Variants in LRP1B observed in about 807,000 individuals in gnomAD.
LRP1B encodes the protein low-density lipoprotein receptor-related protein 1B.
LRP1B carries 217 observed loss-of-function variants against 556.6 expected under a neutral mutation model. The observed-to-expected ratio is 0.39, with a 90% CI of 0.35 to 0.44. The LOEUF is 0.44. LRP1B is among the 20% of genes least tolerant of loss of function. The pLI, the probability that LRP1B is intolerant of heterozygous loss-of-function variation, is 1.00. For synonymous variants in LRP1B, 2,047 were observed against 1,865.8 expected, an observed-to-expected ratio of 1.10 and a Z score of -2.50; for missense variants, 5,053 against 5,620.8, an observed-to-expected ratio of 0.90 and a Z score of 3.23.
chr2:140,889,781 G>A (rs527596531), intron 23 of LRP1B, among the ~76,000 whole-genome samples: 8 of 152,156 alleles, frequency 5.3e-5, no homozygotes, highest in African/African-American at 7.2e-5. Context: ...GGTAGCTAGT[G>A]TTAGCAATGA....
At chr2:140,365,879 C>G (rs1445107661) in intron 71 of LRP1B, among the ~76,000 whole-genome samples, 5 of 151,606 alleles carry the variant, frequency 3.3e-5, no homozygotes, top group Non-Finnish European at 7.4e-5. Flanking sequence ...CAGTGGTCAT[C>G]CTTAAAAGCC....
rs546810203 is a variant in LRP1B at position 140,345,415 on chromosome 2, C to G, written c.11892+5382G>C. On this transcript the variant is annotated intron_variant, in intron 77 of 90. Coordinates refer to ENST00000389484, the MANE Select transcript of LRP1B (RefSeq NM_018557.3). ...CTCTCCTCTCTCAGTTTTTGTACCT[C>G]TATATCTTCTTATTTATTTTCTCTT... 2.0e-5 allele frequency among the ~76,000 whole-genome samples: 3 copies of G among 151,484 alleles called. No homozygotes were observed. In the Admixed American group the frequency reaches 2.0e-4, roughly 10 times the overall value.
At chr2:141,803,098 T>C (rs1020144085) in intron 2 of LRP1B, among the ~76,000 whole-genome samples, 2 of 151,886 alleles carry the variant, frequency 1.3e-5, no homozygotes, top group African/African-American at 4.8e-5. Flanking sequence ...TGACCTGTGG[T>C]CTTGGATCAG....
intron 84 of LRP1B, among the ~76,000 whole-genome samples, chr2:140,291,318 A>ATATATATTTTT (rs369391920): frequency 0.032 from 3,512 of 109,230 alleles, 151 homozygotes; most frequent in African/African-American, 0.068. Flanking sequence ...ATATATATAT[A>ATATATATTTTT]TTTTTATTAT....
At chr2:140,476,100 C>T (rs1388996108) in intron 59 of LRP1B, among the ~76,000 whole-genome samples, 2 of 152,030 alleles carry the variant, frequency 1.3e-5, no homozygotes, top group Non-Finnish European at 2.9e-5. Flanking sequence ...ATAAATATTA[C>T]ACCCGATAAA....
chr2:141,074,741 TA>T (rs1699743580), intron 7 of LRP1B, among the ~76,000 whole-genome samples: 2 of 151,530 alleles, frequency 1.3e-5, no homozygotes, highest in South Asian at 4.1e-4. Context: ...GGTTAAAGGG[TA>T]AAAAATAAAG....
chr2:141,340,171 C>G (rs1301417045), intron 3 of LRP1B, among the ~76,000 whole-genome samples: 1 of 152,186 alleles, frequency 6.6e-6, no homozygotes, highest in Non-Finnish European at 1.5e-5. Flanking sequence ...GAAAAATCCC[C>G]TTCAACTTTT....
At chr2:140,771,519 T>C (rs1645740405) in intron 33 of LRP1B, among the ~76,000 whole-genome samples, 1 of 152,182 alleles carries the variant, frequency 6.6e-6, no homozygotes, top group Non-Finnish European at 1.5e-5. Flanking sequence ...TTCTCATTCA[T>C]AGAAATATAA....
At chr2:141,137,549 C>A (rs1701521151) in intron 7 of LRP1B, among the ~76,000 whole-genome samples, 1 of 151,862 alleles carries the variant, frequency 6.6e-6, no homozygotes, top group Non-Finnish European at 1.5e-5. Flanking sequence ...AAATGCCTAA[C>A]CTGAGCTAGT....
chr2:141,241,953 C>T (rs577629518), intron 5 of LRP1B, among the ~76,000 whole-genome samples: 1 of 150,494 alleles, frequency 6.6e-6, no homozygotes, highest in African/African-American at 2.5e-5. Flanking sequence ...AAAAAAAAAA[C>T]CCTAAATGGT....
In LRP1B at chr2:141,723,919, T is replaced by A. The variant is rs370064620; in HGVS notation, c.205+86360A>T. Among the ~76,000 whole-genome samples the A allele has an allele frequency of 3.9e-3, 588 of 151,966 alleles. 3 individuals are homozygous for A. The highest frequency in any genetic ancestry group is 0.014 in the African/African-American group (564 of 41,508). On this transcript the variant is annotated intron_variant, in intron 2 of 90. Coordinates refer to ENST00000389484, the MANE Select transcript of LRP1B (RefSeq NM_018557.3). ...TAAAATTCACCAAAAATGTCAACAC[T>A]AATCAGGCCAAGTGATGCAATAAGT...
At chr2:140,660,351 C>T (rs1159982464) in intron 41 of LRP1B, among the ~76,000 whole-genome samples, 1 of 152,070 alleles carries the variant, frequency 6.6e-6, no homozygotes, top group Non-Finnish European at 1.5e-5. Flanking sequence ...GAGACAAGTA[C>T]TGTACTATGA....
intron 1 of LRP1B, among the ~76,000 whole-genome samples, chr2:141,811,887 C>G (rs1436913134): frequency 6.6e-6 from 1 of 151,990 alleles, no homozygotes; most frequent in African/African-American, 2.4e-5. Flanking sequence ...AAAGAAGAAA[C>G]CACAGGAAGA....
intron 1 of LRP1B, among the ~76,000 whole-genome samples, chr2:142,022,654 G>A (rs1320621818): frequency 6.6e-6 from 1 of 151,882 alleles, no homozygotes; most frequent in Non-Finnish European, 1.5e-5. Context: ...AAATCTCACT[G>A]CTTTTATTTT....
chr2:142,099,549 C>T lies in LRP1B; in HGVS notation c.82+31099G>A, dbSNP rs561878784. On this transcript the variant is annotated intron_variant, in intron 1 of 90. Transcript: ENST00000389484. The stretch of plus-strand genomic sequence containing the variant: ...TATTTCCTTCAGAAGCTTATTTATC[C>T]CATGTTATATAAAAATCGTTCATGC... 4.0e-5 allele frequency among the ~76,000 whole-genome samples: 6 copies of T among 151,882 alleles called. No individual in the cohort carries two copies. In the East Asian group the frequency reaches 1.2e-3, roughly 29 times the overall value.
At chr2:142,035,321 A>T (rs987523795) in intron 1 of LRP1B, among the ~76,000 whole-genome samples, 1 of 151,646 alleles carries the variant, frequency 6.6e-6, no homozygotes, top group Non-Finnish European at 1.5e-5. Flanking sequence ...TATTTGAAGA[A>T]ATTTTCCTAG....
At chr2:140,645,344 G>T (rs1171251413) in intron 41 of LRP1B, among the ~76,000 whole-genome samples, 1 of 151,870 alleles carries the variant, frequency 6.6e-6, no homozygotes, top group African/African-American at 2.4e-5. Flanking sequence ...ATAGCATAGT[G>T]CTGACTATAT....
chr2:141,402,149 T>C (rs1195557876), intron 3 of LRP1B, among the ~76,000 whole-genome samples: 2 of 152,012 alleles, frequency 1.3e-5, no homozygotes, highest in Non-Finnish European at 1.5e-5. Context: ...GAAATTTTCA[T>C]TTTTTTTCTA....
At chr2:141,683,359 C>A (rs1361279002) in intron 2 of LRP1B, among the ~76,000 whole-genome samples, 3 of 152,134 alleles carry the variant, frequency 2.0e-5, no homozygotes, top group African/African-American at 7.2e-5. Flanking sequence ...AAACTTACAT[C>A]ATCTTACAGA....
Sources: gnomAD v4.1 joint callset for allele counts (sites outside exome capture counted in the v4.1 genomes callset) on GRCh38, gnomAD v4.1.1 for gene constraint, MANE v1.5 for transcripts, NCBI Gene and HGNC (gene_info 2026-07-23, HGNC 2026-07-21) for gene names.